The following DGKB variants were observed in gnomAD, a reference collection of about 807,000 sequenced individuals.
The protein encoded by DGKB is diacylglycerol kinase beta, also known as 90 kDa diacylglycerol kinase.
DGKB carries 67 observed loss-of-function variants against 114.3 expected under a neutral mutation model. The observed-to-expected ratio is 0.59, with a 90% CI of 0.48 to 0.72. DGKB has a LOEUF of 0.72. Among genes scored for constraint, DGKB ranks in the 30% least tolerant of loss-of-function variants. The probability of loss-of-function intolerance (pLI) is 0.00; values close to 1 mark genes in which losing one functional copy is unlikely to be tolerated. For synonymous variants in DGKB, 398 were observed against 323.1 expected (o/e 1.23, Z -2.49); for missense variants, 907 against 975.2 (o/e 0.93, Z 0.93).
chr7:14,785,701 T>C (rs1186163531), intron 2 of DGKB, among the ~76,000 whole-genome samples: 1 of 152,026 alleles, frequency 6.6e-6, no homozygotes, highest in Non-Finnish European at 1.5e-5. Flanking sequence ...AATTCTAAAA[T>C]AGAAAATTAA....
intron 20 of DGKB, among the ~76,000 whole-genome samples, chr7:14,518,716 T>A (rs1789251625): frequency 6.6e-6 from 1 of 151,706 alleles, no homozygotes; most frequent in African/African-American, 2.4e-5. Flanking sequence ...TATACCTCCA[T>A]CACCCAGGGC....
At chr7:14,420,599 A>G (rs1306642668) in intron 21 of DGKB, among the ~76,000 whole-genome samples, 1 of 152,084 alleles carries the variant, frequency 6.6e-6, no homozygotes, top group Non-Finnish European at 1.5e-5. Context: ...AGTGGCTGCT[A>G]TTGTCCTAAA....
At chr7:14,217,023 A>G (rs972388011) in intron 23 of DGKB, among the ~76,000 whole-genome samples, 2 of 152,122 alleles carry the variant, frequency 1.3e-5, no homozygotes, top group Non-Finnish European at 2.9e-5. Flanking sequence ...CCTCTAAGCT[A>G]GGATCTTGTT....
At chr7:14,577,323 A>G (rs948218317) in intron 19 of DGKB, among the ~76,000 whole-genome samples, 2 of 152,200 alleles carry the variant, frequency 1.3e-5, no homozygotes, top group African/African-American at 4.8e-5. Flanking sequence ...AAATCTGTAT[A>G]AAAGTGTGTT....
At chr7:14,802,020 C>T (rs1016851509) in intron 2 of DGKB, among the ~76,000 whole-genome samples, 1 of 151,830 alleles carries the variant, frequency 6.6e-6, no homozygotes, top group Non-Finnish European at 1.5e-5. Flanking sequence ...TGGAGAGAAA[C>T]ACACAAATAT....
intron 17 of DGKB, among the ~76,000 whole-genome samples, chr7:14,607,118 T>C (rs1464748154): frequency 2.0e-5 from 3 of 151,360 alleles, no homozygotes; most frequent in African/African-American, 7.3e-5. Context: ...TTCAAATACA[T>C]GGTTTGGCAG....
intron 1 of DGKB, among the ~76,000 whole-genome samples, chr7:14,849,182 T>A (rs545479385): frequency 6.6e-6 from 1 of 152,160 alleles, no homozygotes; most frequent in Admixed American, 6.5e-5. Context: ...TAATGCAGTA[T>A]CCTGAACTAG....
At chr7:14,910,294 GAAAGAAAGA>G (rs1783929582) in intron 1 of DGKB, among the ~76,000 whole-genome samples, 1 of 126,680 alleles carries the variant, frequency 7.9e-6, no homozygotes, top group Admixed American at 8.5e-5. Context: ...AAGAAAGAAA[GAAAGAAAGA>G]AAGAAAGAAA....
At chr7:14,325,996 G>T (rs767626433) in intron 23 of DGKB, among the ~76,000 whole-genome samples, 12 of 151,590 alleles carry the variant, frequency 7.9e-5, no homozygotes, top group Non-Finnish European at 1.0e-4. Context: ...AGGTAGAAAA[G>T]TCAGAAATGT....
chr7:14,757,099 C>T (rs1834985443), intron 3 of DGKB, among the ~76,000 whole-genome samples: 1 of 151,990 alleles, frequency 6.6e-6, no homozygotes, highest in Non-Finnish European at 1.5e-5. Flanking sequence ...AAAAATTCCT[C>T]CCTTTTTGTA....
At position 14,205,575 on chromosome 7, in the gene DGKB, CAT is replaced by C. The variant is rs145619016; in HGVS notation, c.2123-27426_2123-27425del. On this transcript the variant is annotated intron_variant, in intron 23 of 25. Coordinates refer to ENST00000402815, the MANE Select transcript of DGKB (RefSeq NM_001350709.2). Reference sequence around the variant, plus strand: ...AAAAAATAAGTGGATTCTACATAAACATGTGATTCTGAGACTATCTTCAAAGA... The same window carrying C: ...AAAAAATAAGTGGATTCTACATAAACGTGATTCTGAGACTATCTTCAAAGA... Among the ~76,000 whole-genome samples, 129 of 152,056 alleles carry C rather than the reference CAT, an allele frequency of 8.5e-4. 1 individual carries two copies. The highest frequency in any genetic ancestry group is 2.9e-3 in the African/African-American group (121 of 41,516).
At chr7:14,249,307 T>A (rs1449954885) in intron 23 of DGKB, among the ~76,000 whole-genome samples, 1 of 152,180 alleles carries the variant, frequency 6.6e-6, no homozygotes, top group Non-Finnish European at 1.5e-5. Flanking sequence ...AATTTTCTTT[T>A]CTTGTAGTGT....
intron 23 of DGKB, among the ~76,000 whole-genome samples, chr7:14,288,285 GA>G (rs1801215273): frequency 1.9e-5 from 1 of 52,698 alleles, no homozygotes; most frequent in Non-Finnish European, 3.2e-5. Context: ...AAACTACCCT[GA>G]GTTTTTTTTT....
At chr7:14,341,930 G>A (rs946404742) in intron 22 of DGKB, among the ~76,000 whole-genome samples, 1 of 151,788 alleles carries the variant, frequency 6.6e-6, no homozygotes, top group Admixed American at 6.6e-5. Flanking sequence ...TAGTAGGTCT[G>A]ATTCTATGTC....
chr7:14,322,378 C>T (rs1807984369), intron 23 of DGKB, among the ~76,000 whole-genome samples: 1 of 152,114 alleles, frequency 6.6e-6, no homozygotes, highest in Admixed American at 6.6e-5. Context: ...TATGTTACCA[C>T]TGAGTAGTGG....
intron 21 of DGKB, among the ~76,000 whole-genome samples, chr7:14,392,203 A>T (rs926621029): frequency 7.9e-5 from 12 of 152,124 alleles, no homozygotes; most frequent in Admixed American, 5.2e-4. Flanking sequence ...CTTCATTTTT[A>T]TTCTGATGTT....
chr7:14,195,972 T>C (rs1418091374), intron 23 of DGKB, among the ~76,000 whole-genome samples: 1 of 152,180 alleles, frequency 6.6e-6, no homozygotes, highest in Non-Finnish European at 1.5e-5. Context: ...CTTCAGAGAA[T>C]AGGCGACATG....
At chr7:14,832,720 C>G (rs980430295) in intron 2 of DGKB, among the ~76,000 whole-genome samples, 4 of 152,010 alleles carry the variant, frequency 2.6e-5, no homozygotes, top group Non-Finnish European at 5.9e-5. Flanking sequence ...ATCTCATCTT[C>G]CAACTGTCTT....
intron 17 of DGKB, among the ~76,000 whole-genome samples, chr7:14,597,862 T>G (rs1802863847): frequency 6.6e-6 from 1 of 152,104 alleles, no homozygotes; most frequent in South Asian, 2.1e-4. Context: ...ACAAGCAATA[T>G]AATTATGGCT....
Sources: gnomAD v4.1 joint callset for allele counts (sites outside exome capture counted in the v4.1 genomes callset) on GRCh38, gnomAD v4.1.1 for gene constraint, MANE v1.5 for transcripts, NCBI Gene and HGNC (gene_info 2026-07-23, HGNC 2026-07-21) for gene names.